Variants in PDCD6IP observed in about 807,000 individuals in gnomAD.
The protein encoded by PDCD6IP is programmed cell death 6-interacting protein.
Under a neutral mutation model 103.7 loss-of-function variants are expected in PDCD6IP, and 43 were observed. That is an observed-to-expected ratio of 0.41 (90% CI 0.32 to 0.53). The LOEUF (loss-of-function observed/expected upper bound fraction) is 0.53, where lower values mean the gene tolerates loss of function less well. Ranked by LOEUF, PDCD6IP falls within the 20% of genes least tolerant of loss-of-function variation. The pLI, the probability that PDCD6IP is intolerant of heterozygous loss-of-function variation, is 0.16. For synonymous variants in PDCD6IP, 354 were observed against 378.7 expected, an observed-to-expected ratio of 0.93 and a Z score of 0.76; for missense variants, 871 against 1,036.7, an observed-to-expected ratio of 0.84 and a Z score of 2.20.
chr3:33,836,183 A>T lies in PDCD6IP; in HGVS notation c.974A>T (p.Asp325Val). 1 of 1,613,440 alleles carries T rather than the reference A, an allele frequency of 6.2e-7. No homozygotes were observed. The highest frequency in any genetic ancestry group is 1.1e-5 in the South Asian group (1 of 91,058). The change falls in exon 8 of 18, where the codon GAC (aspartate) becomes GTC (valine). Residue 325 changes from aspartate (D) to valine (V), a missense_variant. By Grantham distance (152) the Asp-to-Val change is radical. Coordinates refer to ENST00000307296, the MANE Select transcript of PDCD6IP (RefSeq NM_013374.6). ...TTCATTTATCATGATCGAGTTCCAG[A>T]CCTTAAAGATCTAGATCCTATTGGC... is the stretch of plus-strand genomic sequence containing the variant. ...NDFIYHDRVP[D>V]LKDLDPIGKA...
Position 33,842,134 on chromosome 3 carries a change from G to A in PDCD6IP, c.1359+60G>A, listed in dbSNP as rs969983214. The A allele has an allele frequency of 2.9e-6, 3 of 1,022,384 alleles. No individual in the cohort carries two copies. The African/African-American group carries it at 4.8e-5, about 16-fold the overall frequency. The allele number at this position is 1,022,384 out of a possible 1,614,324, so 63.3% of individuals were successfully genotyped here. ...CACTGTGATCCCTTGATGTCCAGCA[G>A]GGATTGGGACTGGAGACTTCCTCAT... is the stretch of plus-strand genomic sequence containing the variant. On this transcript the variant is annotated intron_variant, in intron 10 of 17. Transcript: ENST00000307296.
chr3:33,827,488 T>C (rs1697154728), intron 6 of PDCD6IP: 1 of 152,374 alleles, frequency 6.6e-6, no homozygotes, highest in Non-Finnish European at 1.5e-5. Flanking sequence ...CAATAAGGAA[T>C]TAATGTGACG....
intron 7 of PDCD6IP, among the ~76,000 whole-genome samples, chr3:33,834,157 C>T (rs1697297888): frequency 6.6e-6 from 1 of 152,130 alleles, no homozygotes; most frequent in East Asian, 1.9e-4. Context: ...CTTTTTCTCA[C>T]CAGCTCTCTT....
Position 33,865,262 on chromosome 3 carries a change from C to T in PDCD6IP, c.2264C>T (p.Pro755Leu). 6.4e-7 allele frequency: 1 copy of T among 1,559,152 alleles called. No homozygotes were observed. Among genetic ancestry groups the T allele is most frequent in the Non-Finnish European group, 8.6e-7 (1 of 1,158,452 alleles). Residue 755 changes from proline (P) to leucine (L), a missense_variant, in exon 17 of 18, where the codon CCA (proline) becomes CTA (leucine). Physicochemically the swap from Pro to Leu is moderately conservative, Grantham distance 98. Coordinates refer to ENST00000307296, the MANE Select transcript of PDCD6IP (RefSeq NM_013374.6). ...RTMPPTKPQP[P>L]ARPPPPVLPA... ...TTATAGCCTACTAAGCCCCAGCCCC[C>T]AGCCAGGCCTCCACCACCTGTGCTT...
At chr3:33,801,613 A>G (rs760856444) in intron 1 of PDCD6IP, among the ~76,000 whole-genome samples, 11 of 147,438 alleles carry the variant, frequency 7.5e-5, no homozygotes, top group Non-Finnish European at 1.2e-4. Flanking sequence ...ACATACTGAG[A>G]CGCTGTCTCA....
chr3:33,798,963 G>C (rs1559766699), intron 1 of PDCD6IP, 26 bp downstream of exon 1: 2 of 1,497,748 alleles, frequency 1.3e-6, no homozygotes, highest in African/African-American at 1.4e-5. Flanking sequence ...GGAGTGGGTA[G>C]GTTGTCTGCC....
rs1697795482 is a variant in PDCD6IP, at chr3:33,854,963, C to G, written c.2026-203C>G. 6 of 323,662 alleles carry G rather than the reference C, an allele frequency of 1.9e-5. No homozygotes were observed. The South Asian group carries it at 5.1e-4, about 27-fold the overall frequency. 20.0% of individuals were successfully genotyped at this position (323,662 alleles called of 1,614,324 possible). On this transcript the variant is annotated intron_variant, in intron 14 of 17. Transcript: ENST00000307296. ...TTTATGATAATGTTCTGTAAAAATGCTTTTATTATTTTTATTTTCTTTAGG... is the reference window on the plus strand; with the variant it reads ...TTTATGATAATGTTCTGTAAAAATGGTTTTATTATTTTTATTTTCTTTAGG...
chr3:33,827,376 C>G (rs1389935536), intron 6 of PDCD6IP: 1 of 261,944 alleles, frequency 3.8e-6, no homozygotes, highest in East Asian at 1.8e-4. Context: ...ATTTGTAAGT[C>G]ATATTCAGGA....
intron 1 of PDCD6IP, among the ~76,000 whole-genome samples, chr3:33,804,226 G>C (rs1310232399): frequency 6.6e-6 from 1 of 152,166 alleles, no homozygotes; most frequent in Admixed American, 6.5e-5. Flanking sequence ...GTCCCAGTTA[G>C]AGCACATCCC....
At chr3:33,822,876 C>T (rs1697024992) in intron 4 of PDCD6IP, among the ~76,000 whole-genome samples, 1 of 152,104 alleles carries the variant, frequency 6.6e-6, no homozygotes, top group African/African-American at 2.4e-5. Context: ...CCAGGATGGT[C>T]TTGATCTCCT....
rs1409434442 is a variant in PDCD6IP, at chr3:33,868,340, A to T, written c.*1815A>T. 6.6e-6 allele frequency: 1 copy of T among 152,208 alleles called. No homozygotes were observed. The highest frequency in any genetic ancestry group is 1.5e-5 in the Non-Finnish European group (1 of 68,032). The allele number at this position is 152,208 out of a possible 1,614,324, so 9.4% of individuals were successfully genotyped here. ...AATTGGCCTGAATATTCTCTTGGGGAAAGAGGGCACCAAAGAAAAGGGTAA... is the reference window on the plus strand; with the variant it reads ...AATTGGCCTGAATATTCTCTTGGGGTAAGAGGGCACCAAAGAAAAGGGTAA... On this transcript the variant is annotated 3_prime_UTR_variant, in exon 18 of 18. Coordinates refer to ENST00000307296, the MANE Select transcript of PDCD6IP (RefSeq NM_013374.6).
At chr3:33,838,610 G>A (rs1697403777) in intron 9 of PDCD6IP, among the ~76,000 whole-genome samples, 1 of 151,902 alleles carries the variant, frequency 6.6e-6, no homozygotes, top group South Asian at 2.1e-4. Context: ...CAGATACATG[G>A]TACATTTAGT....
chr3:33,809,648 A>G (rs531107899), intron 1 of PDCD6IP, among the ~76,000 whole-genome samples: 1 of 152,358 alleles, frequency 6.6e-6, no homozygotes, highest in East Asian at 1.9e-4. Context: ...TTACCATTTA[A>G]TCTGTAGAAT....
At chr3:33,799,160 C>A in intron 1 of PDCD6IP, 1 of 575,750 alleles carries the variant, frequency 1.7e-6, no homozygotes, top group Non-Finnish European at 3.1e-6. Context: ...TGCTCTAGCC[C>A]TTGGTCGGCG....
intron 4 of PDCD6IP, among the ~76,000 whole-genome samples, chr3:33,824,012 T>G (rs1391763391): frequency 6.6e-6 from 1 of 152,102 alleles, no homozygotes; most frequent in Non-Finnish European, 1.5e-5. Context: ...CCCAGAAGCT[T>G]TGTGCCGTTG....
In PDCD6IP at chr3:33,825,181, C is replaced by G; in HGVS notation, c.463-6C>G. ...CCTATAAAGAAATTCTTTTTCCCCC[C>G]TTTAGTTTGCTAGTGGTGCCTTTTT... On this transcript the variant is annotated splice_region_variant and splice_polypyrimidine_tract_variant and intron_variant, in intron 4 of 17. Transcript: ENST00000307296. 1.2e-6 allele frequency: 2 copies of G among 1,603,984 alleles called. No homozygotes were observed. Among genetic ancestry groups the G allele is most frequent in the Non-Finnish European group, 1.7e-6 (2 of 1,177,498 alleles).
chr3:33,824,871 A>G (rs1191980008), intron 4 of PDCD6IP, among the ~76,000 whole-genome samples: 1 of 152,190 alleles, frequency 6.6e-6, no homozygotes, highest in Non-Finnish European at 1.5e-5. Flanking sequence ...TTTAATGTTT[A>G]TCCCCGCCTC....
chr3:33,819,231 C>G (rs983421149), intron 3 of PDCD6IP, among the ~76,000 whole-genome samples: 1 of 151,618 alleles, frequency 6.6e-6, no homozygotes, highest in Non-Finnish European at 1.5e-5. Flanking sequence ...TTCCTTCCTC[C>G]GCCCTTAAAA....
At chr3:33,824,339 C>T (rs1376152992) in intron 4 of PDCD6IP, among the ~76,000 whole-genome samples, 1 of 151,220 alleles carries the variant, frequency 6.6e-6, no homozygotes, top group Non-Finnish European at 1.5e-5. Flanking sequence ...CTCACTGCAA[C>T]CTCCGCCTCC....
Sources: gnomAD v4.1 joint callset for allele counts (sites outside exome capture counted in the v4.1 genomes callset) on GRCh38, gnomAD v4.1.1 for gene constraint, MANE v1.5 for transcripts, NCBI Gene and HGNC (gene_info 2026-07-23, HGNC 2026-07-21) for gene names.